The following ALK variants were observed in gnomAD, a reference collection of about 807,000 sequenced individuals.
ALK encodes ALK receptor tyrosine kinase.
Under a neutral mutation model 163.1 loss-of-function variants are expected in ALK, and 74 were observed. The observed-to-expected ratio is 0.45, with a 90% CI of 0.38 to 0.55. ALK has a LOEUF of 0.55. ALK is among the 20% of genes least tolerant of loss of function. ALK has a pLI of 0.00. For synonymous variants in ALK, 960 were observed against 843.2 expected (o/e 1.14, Z -2.40); for missense variants, 2,063 against 2,105.3 (o/e 0.98, Z 0.39).
intron 4 of ALK, among the ~76,000 whole-genome samples, chr2:29,521,660 G>T (rs1038736806): frequency 8.5e-5 from 13 of 152,310 alleles, no homozygotes; most frequent in African/African-American, 3.1e-4. Flanking sequence ...AAGGAGGTTT[G>T]CTTTGAGGCT....
chr2:29,806,769 A>T (rs1416161152), intron 1 of ALK, among the ~76,000 whole-genome samples: 1 of 152,174 alleles, frequency 6.6e-6, no homozygotes. Context: ...CCCACTGCAT[A>T]GGGTATGTAC....
intron 1 of ALK, among the ~76,000 whole-genome samples, chr2:29,851,411 A>T (rs150692896): frequency 6.6e-6 from 1 of 152,324 alleles, no homozygotes; most frequent in African/African-American, 2.4e-5. Context: ...TCTTGCGCCA[A>T]GACCTTCCTC....
At chr2:29,310,863 G>A (rs941829369) in intron 8 of ALK, among the ~76,000 whole-genome samples, 14 of 152,300 alleles carry the variant, frequency 9.2e-5, no homozygotes, top group Non-Finnish European at 2.1e-4. Flanking sequence ...GACTCTGTAA[G>A]CTTTGACACA....
At chr2:29,255,449 T>C (rs539195439) in intron 11 of ALK, among the ~76,000 whole-genome samples, 135 of 152,290 alleles carry the variant, frequency 8.9e-4, no homozygotes, top group African/African-American at 3.2e-3. Context: ...AAGGCAATAC[T>C]TGAAACATTT....
chr2:29,573,618 G>T (rs892535255), intron 3 of ALK, among the ~76,000 whole-genome samples: 2 of 152,238 alleles, frequency 1.3e-5, no homozygotes, highest in East Asian at 3.9e-4. Context: ...ATTCATACAC[G>T]TATCATTCAT....
chr2:29,831,072 GA>G (rs1347556401), intron 1 of ALK, among the ~76,000 whole-genome samples: 1 of 6,084 alleles, frequency 1.6e-4, no homozygotes, highest in Non-Finnish European at 4.9e-4. Context: ...GGAGGAAGGG[GA>G]GGAGGAGGAG....
intron 1 of ALK, among the ~76,000 whole-genome samples, chr2:29,887,898 A>G (rs928775294): frequency 6.6e-6 from 1 of 152,344 alleles, no homozygotes; most frequent in East Asian, 1.9e-4. Flanking sequence ...CTTCAAAAGA[A>G]AGAAACATCC....
At chr2:29,473,851 G>T (rs7596817) in intron 4 of ALK, among the ~76,000 whole-genome samples, 25,000 of 126,618 alleles carry the variant, frequency 0.2, 2,267 homozygotes, top group East Asian at 0.35. Context: ...GTGAGACTTT[G>T]TCAAAACAAA....
intron 1 of ALK, among the ~76,000 whole-genome samples, chr2:29,779,271 TG>T (rs1681267840): frequency 2.0e-5 from 3 of 152,218 alleles, no homozygotes; most frequent in Admixed American, 2.0e-4. Flanking sequence ...CAGCCCTATT[TG>T]GAAGCGCTCT....
At chr2:29,683,387 GAAAAACAAAAAAC>G (rs1678134203) in intron 3 of ALK, among the ~76,000 whole-genome samples, 2 of 151,424 alleles carry the variant, frequency 1.3e-5, no homozygotes, top group South Asian at 4.2e-4. Flanking sequence ...AAGAAAGAAA[GAAAAACAAAAAAC>G]AAAAACAAAA....
intron 2 of ALK, among the ~76,000 whole-genome samples, chr2:29,716,191 T>C (rs1028482474): frequency 3.9e-5 from 6 of 152,108 alleles, no homozygotes; most frequent in Non-Finnish European, 7.4e-5. Flanking sequence ...CCACACCAGG[T>C]TTATAAATAC....
chr2:29,282,627 C>T (rs1003361623), intron 9 of ALK, among the ~76,000 whole-genome samples: 41 of 152,184 alleles, frequency 2.7e-4, no homozygotes, highest in South Asian at 1.0e-3. Flanking sequence ...CTAGGCATAA[C>T]GACACCAGGA....
intron 1 of ALK, among the ~76,000 whole-genome samples, chr2:29,754,513 G>T (rs1030970702): frequency 1.3e-5 from 2 of 152,060 alleles, no homozygotes; most frequent in East Asian, 3.9e-4. Context: ...AACATAGGGG[G>T]ACTCCATCTC....
At chr2:29,201,593 C>A (rs1252368753) in intron 26 of ALK, among the ~76,000 whole-genome samples, 4 of 152,000 alleles carry the variant, frequency 2.6e-5, no homozygotes, top group Non-Finnish European at 4.4e-5. Context: ...TCGAGACCAG[C>A]CTGGCCAACG....
chr2:29,460,127 C>T (rs896539337), intron 4 of ALK, among the ~76,000 whole-genome samples: 2 of 152,108 alleles, frequency 1.3e-5, no homozygotes, highest in African/African-American at 4.8e-5. Context: ...ACGAACACAG[C>T]AAGATGTGGG....
At chr2:29,461,364 T>C (rs957905856) in intron 4 of ALK, among the ~76,000 whole-genome samples, 1 of 152,162 alleles carries the variant, frequency 6.6e-6, no homozygotes, top group Non-Finnish European at 1.5e-5. Context: ...TTCCTTCTAT[T>C]GAAAGATGCC....
At chr2:29,883,704 T>C (rs1217876361) in intron 1 of ALK, among the ~76,000 whole-genome samples, 2 of 152,236 alleles carry the variant, frequency 1.3e-5, no homozygotes, top group Non-Finnish European at 2.9e-5. Flanking sequence ...AATTTTCTCA[T>C]ATGCCAATTA....
chr2:29,894,853 AACACACAC>A (rs796857722), intron 1 of ALK, among the ~76,000 whole-genome samples: 2 of 33,330 alleles, frequency 6.0e-5, no homozygotes, highest in African/African-American at 1.0e-4. Flanking sequence ...CACACACACA[AACACACAC>A]ACACACACAC....
intron 5 of ALK, among the ~76,000 whole-genome samples, chr2:29,372,226 T>C (rs1383787935): frequency 6.6e-6 from 1 of 152,202 alleles, no homozygotes; most frequent in African/African-American, 2.4e-5. Flanking sequence ...CCTCTCAACC[T>C]GTCCATAGCC....
Sources: allele counts gnomAD v4.1 joint callset (sites outside exome capture counted in the v4.1 genomes callset), GRCh38; gene constraint gnomAD v4.1.1; transcripts MANE v1.5; gene names NCBI Gene and HGNC (gene_info 2026-07-23, HGNC 2026-07-21).